Variants in FMNL2 observed in about 807,000 individuals in gnomAD.
The protein encoded by FMNL2 is formin like 2.
In FMNL2, 51 loss-of-function variants were observed where a neutral mutation model predicts 130.2. That is an observed-to-expected ratio of 0.39 (90% CI 0.31 to 0.49). FMNL2 has a LOEUF of 0.49. Ranked by LOEUF, FMNL2 falls within the 20% of genes least tolerant of loss-of-function variation. FMNL2 has a pLI of 0.85. For missense variants in FMNL2, 977 were observed against 1,316.2 expected, an observed-to-expected ratio of 0.74 and a Z score of 3.99; for synonymous variants, 465 against 467.1, an observed-to-expected ratio of 1.00 and a Z score of 0.06.
intron 1 of FMNL2, among the ~76,000 whole-genome samples, chr2:152,478,222 A>G (rs1268701051): frequency 7.8e-6 from 1 of 128,916 alleles, no homozygotes; most frequent in Non-Finnish European, 1.6e-5. Context: ...ATACGTATAC[A>G]TATATACATA....
chr2:152,493,491 T>A (rs944393922), intron 1 of FMNL2, among the ~76,000 whole-genome samples: 1 of 152,190 alleles, frequency 6.6e-6, no homozygotes, highest in Non-Finnish European at 1.5e-5. Flanking sequence ...TGAAATGTGA[T>A]CCCCAATGTT....
Position 152,636,445 on chromosome 2 carries a change from T to C in FMNL2, c.2699T>C (p.Leu900Ser). Reference protein sequence around the residue: ...KAAAVSLENVLLDVKELQRGM... With the variant: ...KAAAVSLENVSLDVKELQRGM... ...GCTTTAGTCTCCCTTGAGAATGTTT[T>C]GCTGGATGTCAAGGAGCTCCAGAGG... The change falls in exon 22 of 26, where the codon TTG (leucine) becomes TCG (serine). Residue 900 changes from leucine (L) to serine (S), a missense_variant. By Grantham distance (145) the Leu-to-Ser change is moderately radical. Around this residue, in one of 4 missense-constraint regions of FMNL2, gnomAD observed 689 missense variants for 995.9 expected, o/e 0.69. Transcript: ENST00000288670. The C allele has an allele frequency of 1.2e-6, 2 of 1,612,268 alleles. No homozygotes were observed. The highest frequency in any genetic ancestry group is 1.3e-5 in the African/African-American group (1 of 75,052).
intron 1 of FMNL2, among the ~76,000 whole-genome samples, chr2:152,482,199 C>T (rs1239967964): frequency 2.0e-5 from 3 of 152,162 alleles, no homozygotes. Flanking sequence ...AATACAAAGC[C>T]TTAGCATGTG....
chr2:152,478,570 A>G (rs1041959928), intron 1 of FMNL2, among the ~76,000 whole-genome samples: 1 of 152,052 alleles, frequency 6.6e-6, no homozygotes, highest in Non-Finnish European at 1.5e-5. Context: ...CAAAAAGGCA[A>G]AGTGTACCAA....
chr2:152,393,684 C>T (rs892500267), intron 1 of FMNL2, among the ~76,000 whole-genome samples: 9 of 152,174 alleles, frequency 5.9e-5, no homozygotes, highest in Admixed American at 5.2e-4. Context: ...TTAAAAAAAT[C>T]TCTTTTGCCT....
rs540158238 is a variant in FMNL2, at chr2:152,347,980, T to TAA, written c.117+12260_117+12261insAA. 2.0e-4 allele frequency among the ~76,000 whole-genome samples: 31 copies of TAA among 151,920 alleles called. No individual in the cohort carries two copies. The South Asian group carries it at 6.1e-3, about 30-fold the overall frequency. On this transcript the variant is annotated intron_variant, in intron 1 of 25. Coordinates refer to ENST00000288670, the MANE Select transcript of FMNL2 (RefSeq NM_052905.4). Reference sequence around the variant, plus strand: ...AATCCCTGTCCCCAGATTAGGCCTGTGCTTTCTCTCCTTCGTATTTTTTTC... The same window carrying TAA: ...AATCCCTGTCCCCAGATTAGGCCTGTAAGCTTTCTCTCCTTCGTATTTTTTTC...
intron 1 of FMNL2, among the ~76,000 whole-genome samples, chr2:152,476,646 T>C (rs1460018100): frequency 1.3e-5 from 2 of 151,700 alleles, no homozygotes; most frequent in East Asian, 3.9e-4. Flanking sequence ...GAGCAGTGAT[T>C]ATACCATTAC....
intron 1 of FMNL2, among the ~76,000 whole-genome samples, chr2:152,336,312 G>A (rs1681443525): frequency 6.6e-6 from 1 of 152,134 alleles, no homozygotes; most frequent in Non-Finnish European, 1.5e-5. Context: ...CCACAGCAGT[G>A]CGGCGCCCCG....
chr2:152,335,973 T>G (rs543702308), intron 1 of FMNL2, among the ~76,000 whole-genome samples: 1 of 151,266 alleles, frequency 6.6e-6, no homozygotes, highest in Non-Finnish European at 1.5e-5. Flanking sequence ...TCGAACCCAT[T>G]GTCTGGCTGG....
chr2:152,371,494 C>A (rs1230720264), intron 1 of FMNL2, among the ~76,000 whole-genome samples: 2 of 151,710 alleles, frequency 1.3e-5, no homozygotes, highest in Admixed American at 6.6e-5. Context: ...CATGGTGAAT[C>A]CCTATCTCTA....
intron 2 of FMNL2, among the ~76,000 whole-genome samples, chr2:152,539,751 C>T (rs185681755): frequency 7.9e-5 from 12 of 152,218 alleles, no homozygotes; most frequent in African/African-American, 2.4e-4. Flanking sequence ...CCTTCTGAGT[C>T]GCCACAGTCC....
At chr2:152,609,477 T>C (rs1284623358) in intron 10 of FMNL2, among the ~76,000 whole-genome samples, 3 of 152,220 alleles carry the variant, frequency 2.0e-5, no homozygotes, top group Admixed American at 2.0e-4. Flanking sequence ...TCTAATGTAG[T>C]ATAAGACATT....
At position 152,649,135 on chromosome 2, in the gene FMNL2, C is replaced by A. The variant is rs1257719755; in HGVS notation, c.*1230C>A. ...GTAAAGTTTATTGTATAGTATTTAA[C>A]CGCTGAAGTTCCTATTTTATGTTGT... On this transcript the variant is annotated 3_prime_UTR_variant, in exon 26 of 26. Coordinates refer to ENST00000288670, the MANE Select transcript of FMNL2 (RefSeq NM_052905.4). 1 of 152,600 alleles carries A rather than the reference C, an allele frequency of 6.6e-6. No homozygotes were observed. Among genetic ancestry groups the A allele is most frequent in the Admixed American group, 6.5e-5 (1 of 15,274 alleles). The allele number at this position is 152,600 out of a possible 1,614,324, so 9.5% of individuals were successfully genotyped here. A position where few individuals can be genotyped will look rare whatever the true frequency, so the allele number is the denominator to read the frequency against.
intron 6 of FMNL2, among the ~76,000 whole-genome samples, chr2:152,566,759 T>C (rs566954162): frequency 7.0e-4 from 106 of 152,336 alleles, no homozygotes; most frequent in African/African-American, 2.5e-3. Flanking sequence ...TGAAATGTCA[T>C]GTGAGTGTAA....
intron 1 of FMNL2, among the ~76,000 whole-genome samples, chr2:152,420,673 C>G (rs1484494474): frequency 1.3e-5 from 2 of 152,146 alleles, no homozygotes; most frequent in African/African-American, 2.4e-5. Context: ...GAGCTGCCTC[C>G]CAGGTCATCC....
Position 152,375,877 on chromosome 2 carries a change from C to CTCTCTA in FMNL2, c.117+40158_117+40159insCTCTAT, listed in dbSNP as rs796954245. Among the ~76,000 whole-genome samples the CTCTCTA allele has an allele frequency of 7.0e-3, 786 of 112,410 alleles. 4 individuals are homozygous for CTCTCTA. Among genetic ancestry groups the CTCTCTA allele is most frequent in the African/African-American group, 0.012 (354 of 28,904 alleles). 73.7% of individuals were successfully genotyped at this position (112,410 alleles called of 152,430 possible). Reference sequence around the variant, plus strand: ...TCTCTCTCTCTCTCTCTCTCTCTCTCTATATATATATATATATATAATTAT... The same window carrying CTCTCTA: ...TCTCTCTCTCTCTCTCTCTCTCTCTCTCTCTATATATATATATATATATATAATTAT... On this transcript the variant is annotated intron_variant, in intron 1 of 25. Transcript: ENST00000288670.
chr2:152,620,746 C>T (rs6736003), intron 15 of FMNL2, among the ~76,000 whole-genome samples: 25,186 of 152,146 alleles, frequency 0.17, 2,217 homozygotes, highest in Middle Eastern at 0.26. Flanking sequence ...CAGCCGGTCA[C>T]TGGGGCTCAT....
chr2:152,564,126 C>T (rs183193306), intron 6 of FMNL2, among the ~76,000 whole-genome samples: 1 of 151,392 alleles, frequency 6.6e-6, no homozygotes, highest in East Asian at 1.9e-4. Flanking sequence ...GAATTTGAAC[C>T]TTTACAGTAT....
chr2:152,554,643 G>A (rs1170961428), intron 4 of FMNL2, among the ~76,000 whole-genome samples: 1 of 152,196 alleles, frequency 6.6e-6, no homozygotes, highest in Non-Finnish European at 1.5e-5. Context: ...CAAACTGACG[G>A]TGGTGAATAC....
Sources: gnomAD v4.1 joint callset for allele counts (sites outside exome capture counted in the v4.1 genomes callset) on GRCh38, gnomAD v4.1.1 for gene constraint, gnomAD v4.1.1 regional missense constraint, MANE v1.5 for transcripts, NCBI Gene and HGNC (gene_info 2026-07-23, HGNC 2026-07-21) for gene names.